Variants in TSHZ2 observed in about 807,000 individuals in gnomAD.
The protein encoded by TSHZ2 is teashirt zinc finger homeobox 2, also known as teashirt homolog 2.
Under a neutral mutation model 74.4 loss-of-function variants are expected in TSHZ2, and 21 were observed. That is an observed-to-expected ratio of 0.28 (90% CI 0.20 to 0.41). The LOEUF (loss-of-function observed/expected upper bound fraction) is 0.41. Ranked by LOEUF, TSHZ2 falls within the 10% of genes least tolerant of loss-of-function variation. The pLI, the probability that TSHZ2 is intolerant of heterozygous loss-of-function variation, is 1.00. For synonymous variants in TSHZ2, 540 were observed against 515.3 expected, an observed-to-expected ratio of 1.05 and a Z score of -0.65; for missense variants, 1,244 against 1,293.5, an observed-to-expected ratio of 0.96 and a Z score of 0.59.
chr20:53,397,344 A>G (rs2145671609), intron 2 of TSHZ2, among the ~76,000 whole-genome samples: 1 of 152,340 alleles, frequency 6.6e-6, no homozygotes, highest in East Asian at 1.9e-4. Flanking sequence ...TCAAAAGAAG[A>G]CATTTATGCA....
chr20:53,366,537 C>T (rs1474161067), intron 2 of TSHZ2, among the ~76,000 whole-genome samples: 2 of 152,144 alleles, frequency 1.3e-5, no homozygotes, highest in Admixed American at 1.3e-4. Context: ...CTCTTACTAC[C>T]TTTGTGGAAA....
intron 1 of TSHZ2, among the ~76,000 whole-genome samples, chr20:53,038,940 A>T (rs1034562526): frequency 4.7e-5 from 7 of 147,632 alleles, no homozygotes; most frequent in Admixed American, 4.7e-4. Context: ...CTTGTTGCCC[A>T]GGCTGGAGTG....
At chr20:53,180,450 T>C (rs1423685615) in intron 1 of TSHZ2, among the ~76,000 whole-genome samples, 1 of 152,172 alleles carries the variant, frequency 6.6e-6, no homozygotes, top group East Asian at 1.9e-4. Context: ...TTGGGTTTCA[T>C]TTCAGTTTTA....
rs200419157 is a variant in TSHZ2 at position 53,295,579 on chromosome 20, T to C, written c.*8+39008T>C. Among the ~76,000 whole-genome samples, 4 of 152,326 alleles carry C rather than the reference T, an allele frequency of 2.6e-5. 1 individual carries two copies. In the East Asian group the frequency reaches 7.7e-4, roughly 29 times the overall value. ...TGCAAACCCCTGTGCTTTTATTTAC[T>C]TATGATAAATACTTGTATTAAAGAG... is the stretch of plus-strand genomic sequence containing the variant. On this transcript the variant is annotated intron_variant, in intron 2 of 2. Transcript: ENST00000371497.
chr20:53,362,644 C>T (rs1981112305), intron 2 of TSHZ2, among the ~76,000 whole-genome samples: 1 of 115,660 alleles, frequency 8.6e-6, no homozygotes, highest in Admixed American at 8.9e-5. Context: ...TCTGACACAA[C>T]ACACCAGTCC....
chr20:53,244,797 T>C (rs1336565864), intron 1 of TSHZ2, among the ~76,000 whole-genome samples: 3 of 152,228 alleles, frequency 2.0e-5, no homozygotes, highest in African/African-American at 7.2e-5. Flanking sequence ...AACTTGCTAT[T>C]TGATGTTTGT....
chr20:53,065,661 G>A (rs941819055), intron 1 of TSHZ2, among the ~76,000 whole-genome samples: 2 of 152,170 alleles, frequency 1.3e-5, no homozygotes, highest in South Asian at 2.1e-4. Flanking sequence ...GGAAGGGGGC[G>A]TGGAAATCTT....
chr20:53,297,747 A>G (rs1991406620), intron 2 of TSHZ2, among the ~76,000 whole-genome samples: 1 of 152,244 alleles, frequency 6.6e-6, no homozygotes, highest in African/African-American at 2.4e-5. Context: ...TGTGTATACA[A>G]TGGAGAAAGT....
intron 2 of TSHZ2, among the ~76,000 whole-genome samples, chr20:53,420,884 C>T (rs1435832994): frequency 6.6e-6 from 1 of 152,212 alleles, no homozygotes; most frequent in Non-Finnish European, 1.5e-5. Flanking sequence ...GATGGGAAGT[C>T]TTGCAGTAAA....
chr20:53,405,423 T>G lies in TSHZ2; in HGVS notation c.*9-81721T>G, dbSNP rs544188854. ...ATATATTATTTGAGGAAGTCAGCAC[T>G]TGAAGGTAGGTAGAAAACGAACTCC... On this transcript the variant is annotated intron_variant, in intron 2 of 2. Transcript: ENST00000371497. Among the ~76,000 whole-genome samples, 5 of 152,264 alleles carry G rather than the reference T, an allele frequency of 3.3e-5. No homozygotes were observed. In the South Asian group the frequency reaches 1.0e-3, roughly 32 times the overall value.
chr20:53,138,594 C>T (rs1330168868), intron 1 of TSHZ2, among the ~76,000 whole-genome samples: 1 of 152,120 alleles, frequency 6.6e-6, no homozygotes, highest in Non-Finnish European at 1.5e-5. Context: ...CAACCCCTGC[C>T]AACATATTGT....
intron 2 of TSHZ2, among the ~76,000 whole-genome samples, chr20:53,377,252 G>A (rs1406380771): frequency 6.6e-6 from 1 of 152,198 alleles, no homozygotes; most frequent in Non-Finnish European, 1.5e-5. Context: ...GGCTAGAGAA[G>A]GACCAAGCCT....
At chr20:52,997,259 C>CGT (rs1982235717) in intron 1 of TSHZ2, among the ~76,000 whole-genome samples, 2 of 149,016 alleles carry the variant, frequency 1.3e-5, no homozygotes, top group African/African-American at 5.0e-5. Flanking sequence ...CATCTTGCCC[C>CGT]GGGGGGGGGT....
chr20:53,214,815 GCACT>G (rs1376537500), intron 1 of TSHZ2, among the ~76,000 whole-genome samples: 3 of 152,154 alleles, frequency 2.0e-5, no homozygotes, highest in Non-Finnish European at 4.4e-5. Flanking sequence ...TGCTTAGTAA[GCACT>G]CAATCAATAA....
At chr20:53,454,249 G>A (rs1408477475) in intron 2 of TSHZ2, among the ~76,000 whole-genome samples, 1 of 152,090 alleles carries the variant, frequency 6.6e-6, no homozygotes, top group Non-Finnish European at 1.5e-5. Context: ...GCTGTCTGAT[G>A]AAACCCGTGG....
intron 1 of TSHZ2, among the ~76,000 whole-genome samples, chr20:53,058,591 G>T (rs900347839): frequency 2.0e-5 from 3 of 152,198 alleles, no homozygotes; most frequent in African/African-American, 7.2e-5. Flanking sequence ...TGTTCTAAAA[G>T]TGGGGCCAGT....
At chr20:53,380,091 C>G (rs1239491291) in intron 2 of TSHZ2, among the ~76,000 whole-genome samples, 1 of 152,080 alleles carries the variant, frequency 6.6e-6, no homozygotes, top group East Asian at 1.9e-4. Context: ...CTCAATGTCA[C>G]CAACTTCAAG....
chr20:53,344,757 G>C (rs1340728845), intron 2 of TSHZ2, among the ~76,000 whole-genome samples: 1 of 152,148 alleles, frequency 6.6e-6, no homozygotes, highest in Non-Finnish European at 1.5e-5. Flanking sequence ...ATGAGAAAAA[G>C]TAACCCCATT....
chr20:53,033,749 T>A (rs999648830), intron 1 of TSHZ2, among the ~76,000 whole-genome samples: 1 of 120,060 alleles, frequency 8.3e-6, no homozygotes, highest in Non-Finnish European at 1.6e-5. Context: ...AACCTCCACC[T>A]CCCTGGTTCG....
Sources: gnomAD v4.1 joint callset for allele counts (sites outside exome capture counted in the v4.1 genomes callset) on GRCh38, gnomAD v4.1.1 for gene constraint, MANE v1.5 for transcripts, NCBI Gene and HGNC (gene_info 2026-07-23, HGNC 2026-07-21) for gene names.